Variants in CCRL2 observed in about 807,000 individuals in gnomAD.
CCRL2 encodes C-C chemokine receptor-like 2.
For missense variants in CCRL2, 451 were observed against 412.4 expected (o/e 1.09, Z -0.81); for synonymous variants, 181 against 165.6 (o/e 1.09, Z -0.71).
rs1252135123 is a variant in CCRL2 at position 46,408,963 on chromosome 3, T to A, written c.884T>A (p.Ile295Asn). The part of the protein sequence containing the change: ...TKLIATTHCC[I>N]NPLLYAFLDG... ...CTCATCGCCACCACCCACTGCTGCA[T>A]CAACCCTCTCCTGTATGCGTTTCTT... Residue 295 changes from isoleucine (I) to asparagine (N), a missense_variant, in exon 2 of 2, where the codon ATC becomes AAC. Physicochemically the swap from Ile to Asn is moderately radical, Grantham distance 149. Coordinates refer to ENST00000399036, the MANE Select transcript of CCRL2 (RefSeq NM_003965.5). 1 of 1,614,190 alleles carries A rather than the reference T, an allele frequency of 6.2e-7. No individual in the cohort carries two copies. The highest frequency in any genetic ancestry group is 1.7e-5 in the Admixed American group (1 of 60,022).
At position 46,408,835 on chromosome 3, in the gene CCRL2, G is replaced by T. The variant is rs557325885; in HGVS notation, c.756G>T (p.Ala252=). Residue 252 remains alanine (A), a synonymous_variant, in exon 2 of 2, where the codon GCG becomes GCT. Coordinates refer to ENST00000399036, the MANE Select transcript of CCRL2 (RefSeq NM_003965.5). ...AIMVVFLLMW[A]PYNIAFFLST... is the part of the protein sequence containing the mutation. The stretch of plus-strand genomic sequence containing the variant: ...TGGTAGTCTTCCTTCTGATGTGGGC[G>T]CCCTACAATATTGCATTTTTCCTGT... 1 of 1,614,106 alleles carries T rather than the reference G, an allele frequency of 6.2e-7. No individual in the cohort carries two copies. The highest frequency in any genetic ancestry group is 1.7e-5 in the Admixed American group (1 of 60,018).
Position 46,409,081 on chromosome 3 carries a change from G to A in CCRL2, c.1002G>A (p.Ser334=), listed in dbSNP as rs778117118. 4.3e-6 allele frequency: 7 copies of A among 1,613,836 alleles called. No individual in the cohort carries two copies. The highest frequency in any genetic ancestry group is 5.9e-6 in the Non-Finnish European group (7 of 1,179,810). The change falls in exon 2 of 2, where the codon TCG becomes TCA. Residue 334 remains serine (S), a synonymous_variant. Coordinates refer to ENST00000399036, the MANE Select transcript of CCRL2 (RefSeq NM_003965.5). ...GGGGGCAGTCTGCACAAGGCACATC[G>A]AGGGAAGAACCTGACCATTCCACCG... ...QPRGQSAQGT[S]REEPDHSTEV
rs1702105372 is a variant in CCRL2 at position 46,409,179 on chromosome 3, A to G, written c.*65A>G. ...TTCATCTTTCTGCATTATTTCATGTAAATTTTCTACACATTTGTATACAAA... is the reference window on the plus strand; with the variant it reads ...TTCATCTTTCTGCATTATTTCATGTGAATTTTCTACACATTTGTATACAAA... On this transcript the variant is annotated 3_prime_UTR_variant, in exon 2 of 2. Transcript: ENST00000399036. The G allele has an allele frequency of 2.8e-6, 4 of 1,408,926 alleles. No individual in the cohort carries two copies. In the Admixed American group the frequency reaches 6.2e-5, roughly 22 times the overall value. The allele number at this position is 1,408,926 out of a possible 1,614,324, so 87.3% of individuals were successfully genotyped here.
chr3:46,407,739 A>G (rs1235054249), intron 1 of CCRL2: 3 of 1,446,498 alleles, frequency 2.1e-6, no homozygotes, highest in South Asian at 2.6e-5. Flanking sequence ...ATTTTCTTAC[A>G]TATTGTGTTC....
At position 46,408,378 on chromosome 3, in the gene CCRL2, A is replaced by G. The variant is rs752876731; in HGVS notation, c.299A>G (p.Asp100Gly). The G allele has an allele frequency of 1.7e-5, 28 of 1,614,116 alleles. No homozygotes were observed. The highest frequency in any genetic ancestry group is 2.1e-5 in the Non-Finnish European group (25 of 1,180,044). Residue 100 changes from aspartate to glycine, a missense_variant, in exon 2 of 2, where the codon GAT becomes GGT. By Grantham distance (94) the Asp-to-Gly change is moderately conservative. Coordinates refer to ENST00000399036, the MANE Select transcript of CCRL2 (RefSeq NM_003965.5). Reference sequence around the variant, plus strand: ...CCCTTCTGGGCTCATGCTGGGGGCGATCCCATGTGTAAAATTCTCATTGGA... The same window carrying G: ...CCCTTCTGGGCTCATGCTGGGGGCGGTCCCATGTGTAAAATTCTCATTGGA... ...TLPFWAHAGG[D>G]PMCKILIGLY... is the part of the protein sequence containing the mutation.
rs757568035 is a variant in CCRL2, at chr3:46,408,842, A to G, written c.763A>G (p.Asn255Asp). 3 of 1,614,172 alleles carry G rather than the reference A, an allele frequency of 1.9e-6. No individual in the cohort carries two copies. The highest frequency in any genetic ancestry group is 1.1e-5 in the South Asian group (1 of 91,080). ...VVFLLMWAPYNIAFFLSTFKE... is the reference protein window; with the variant it reads ...VVFLLMWAPYDIAFFLSTFKE... ...CTTCCTTCTGATGTGGGCGCCCTACAATATTGCATTTTTCCTGTCCACTTT... is the reference window on the plus strand; with the variant it reads ...CTTCCTTCTGATGTGGGCGCCCTACGATATTGCATTTTTCCTGTCCACTTT... Residue 255 changes from asparagine (N) to aspartate (D), a missense_variant, in exon 2 of 2, where the codon AAT becomes GAT. Physicochemically the swap from Asn to Asp is conservative, Grantham distance 23 (BLOSUM62 1). Coordinates refer to ENST00000399036, the MANE Select transcript of CCRL2 (RefSeq NM_003965.5).
Position 46,408,951 on chromosome 3 carries a change from C to T in CCRL2, c.872C>T (p.Thr291Ile), listed in dbSNP as rs375222926. Residue 291 changes from threonine to isoleucine, a missense_variant, in exon 2 of 2, where the codon ACC becomes ATC. Physicochemically the swap from Thr to Ile is moderately conservative, Grantham distance 89. Transcript: ENST00000399036. ...CACATCACTAAACTCATCGCCACCA[C>T]CCACTGCTGCATCAACCCTCTCCTG... Reference protein sequence around the residue: ...SVHITKLIATTHCCINPLLYA... With the variant: ...SVHITKLIATIHCCINPLLYA... 61 of 1,614,042 alleles carry T rather than the reference C, an allele frequency of 3.8e-5. No individual in the cohort carries two copies. The highest frequency in any genetic ancestry group is 4.4e-5 in the Non-Finnish European group (52 of 1,180,052).
In CCRL2 at chr3:46,407,473, G is replaced by A. The variant is rs1268939874; in HGVS notation, c.-42G>A. ...CCCGGATGCTGGGTCTGGAGGCTGCGCCCTTCCCCTGCAGGAGCTCAGCCC... is the reference window on the plus strand; with the variant it reads ...CCCGGATGCTGGGTCTGGAGGCTGCACCCTTCCCCTGCAGGAGCTCAGCCC... On this transcript the variant is annotated 5_prime_UTR_variant, in exon 1 of 2. Coordinates refer to ENST00000399036, the MANE Select transcript of CCRL2 (RefSeq NM_003965.5). 6.8e-6 allele frequency: 4 copies of A among 585,004 alleles called. No homozygotes were observed. The highest frequency in any genetic ancestry group is 9.0e-6 in the Non-Finnish European group (3 of 331,862). The allele number at this position is 585,004 out of a possible 1,614,324, so 36.2% of individuals were successfully genotyped here.
At position 46,408,401 on chromosome 3, in the gene CCRL2, G is replaced by A; in HGVS notation, c.322G>A (p.Gly108Arg). Residue 108 changes from glycine to arginine, a missense_variant, in exon 2 of 2, where the codon GGA becomes AGA. Coordinates refer to ENST00000399036, the MANE Select transcript of CCRL2 (RefSeq NM_003965.5). Reference sequence around the variant, plus strand: ...CGATCCCATGTGTAAAATTCTCATTGGACTGTACTTCGTGGGCCTGTACAG... The same window carrying A: ...CGATCCCATGTGTAAAATTCTCATTAGACTGTACTTCGTGGGCCTGTACAG... ...GGDPMCKILI[G>R]LYFVGLYSET... The A allele has an allele frequency of 6.2e-7, 1 of 1,614,112 alleles. No homozygotes were observed. The highest frequency in any genetic ancestry group is 1.1e-5 in the South Asian group (1 of 91,086).
intron 1 of CCRL2, 171 bp downstream of exon 1, chr3:46,407,673 G>T (rs11574440): frequency 1.3e-6 from 2 of 1,542,734 alleles, no homozygotes; most frequent in Non-Finnish European, 1.7e-6. Flanking sequence ...CAGAAATTAT[G>T]ATCTACACCC....
Position 46,408,161 on chromosome 3 carries a change from T to C in CCRL2, c.82T>C (p.Cys28Arg), listed in dbSNP as rs369404411. The C allele has an allele frequency of 1.2e-6, 2 of 1,611,522 alleles. No individual in the cohort carries two copies. Among genetic ancestry groups the C allele is most frequent in the Non-Finnish European group, 1.7e-6 (2 of 1,178,758 alleles). The change falls in exon 2 of 2, where the codon TGT (cysteine) becomes CGT (arginine). Residue 28 changes from cysteine (C) to arginine (R), a missense_variant. Cys to Arg is a radical substitution (Grantham distance 180). Coordinates refer to ENST00000399036, the MANE Select transcript of CCRL2 (RefSeq NM_003965.5). ...ACTGGAGAGCGATGAGGCAGAGCAA[T>C]GTGACAAGTATGACGCCCAGGCACT... is the stretch of plus-strand genomic sequence containing the variant. The part of the protein sequence containing the change: ...GELESDEAEQ[C>R]DKYDAQALSA...
At chr3:46,407,985 T>C in intron 1 of CCRL2, 83 bp from the exon 2 acceptor site, 1 of 1,006,860 alleles carries the variant, frequency 9.9e-7, no homozygotes, top group Non-Finnish European at 1.4e-6. Flanking sequence ...AAAGTGGGGC[T>C]GTATGAATCC....
rs1192824361 is a variant in CCRL2 at position 46,408,442 on chromosome 3, T to C, written c.363T>C (p.Asn121=). 1.2e-6 allele frequency: 2 copies of C among 1,614,130 alleles called. No homozygotes were observed. Among genetic ancestry groups the C allele is most frequent in the African/African-American group, 2.7e-5 (2 of 74,938 alleles). The change falls in exon 2 of 2, where the codon AAT becomes AAC. Residue 121 remains asparagine (N), a synonymous_variant. Coordinates refer to ENST00000399036, the MANE Select transcript of CCRL2 (RefSeq NM_003965.5). The part of the protein sequence containing the change: ...FVGLYSETFF[N]CLLTVQRYLV... Reference sequence around the variant, plus strand: ...GCCTGTACAGTGAGACATTTTTCAATTGCCTTCTGACTGTGCAAAGGTACC... The same window carrying C: ...GCCTGTACAGTGAGACATTTTTCAACTGCCTTCTGACTGTGCAAAGGTACC...
chr3:46,407,479 C>A lies in CCRL2; in HGVS notation c.-36C>A. ...TGCTGGGTCTGGAGGCTGCGCCCTTCCCCTGCAGGAGCTCAGCCCAGTGGT... is the reference window on the plus strand; with the variant it reads ...TGCTGGGTCTGGAGGCTGCGCCCTTACCCTGCAGGAGCTCAGCCCAGTGGT... On this transcript the variant is annotated 5_prime_UTR_variant, in exon 1 of 2. Transcript: ENST00000399036. The A allele has an allele frequency of 1.7e-6, 1 of 594,906 alleles. No homozygotes were observed. The highest frequency in any genetic ancestry group is 2.1e-5 in the South Asian group (1 of 47,796). The allele number at this position is 594,906 out of a possible 1,614,324, so 36.9% of individuals were successfully genotyped here.
chr3:46,407,515 T>G lies in CCRL2; in HGVS notation c.-13+13T>G. 1.5e-6 allele frequency: 1 copy of G among 658,778 alleles called. No individual in the cohort carries two copies. The highest frequency in any genetic ancestry group is 2.7e-6 in the Non-Finnish European group (1 of 370,490). The allele number at this position is 658,778 out of a possible 1,614,324, so 40.8% of individuals were successfully genotyped here. On this transcript the variant is annotated intron_variant, in intron 1 of 1. Coordinates refer to ENST00000399036, the MANE Select transcript of CCRL2 (RefSeq NM_003965.5). ...GCTCAGCCCAGTGGTAAGTCATCTG[T>G]GTGTCATCTATGTATTTAACCCCTT...
In CCRL2 at chr3:46,409,042, C is replaced by A. The variant is rs764000956; in HGVS notation, c.963C>A (p.Thr321=). ...GCTGTTTCCATCTGCGTAGTAACAC[C>A]CCACTTCAACCCAGGGGGCAGTCTG... ...LCRCFHLRSN[T]PLQPRGQSAQ... is the part of the protein sequence containing the mutation. Residue 321 remains threonine, a synonymous_variant, in exon 2 of 2, where the codon ACC becomes ACA. Transcript: ENST00000399036. 8.7e-6 allele frequency: 14 copies of A among 1,614,004 alleles called. No individual in the cohort carries two copies. The highest frequency in any genetic ancestry group is 1.1e-5 in the Non-Finnish European group (13 of 1,180,024).
chr3:46,408,040 G>A (rs748630678), intron 1 of CCRL2, 28 bp from the exon 2 acceptor site: 16 of 1,494,180 alleles, frequency 1.1e-5, no homozygotes, highest in East Asian at 2.4e-5. Flanking sequence ...GCTGTCGGAG[G>A]GGAAAATCAT....
chr3:46,407,770 T>A, intron 1 of CCRL2: 1 of 1,245,114 alleles, frequency 8.0e-7, no homozygotes, highest in Non-Finnish European at 1.1e-6. Context: ...GTCCTGTTTC[T>A]GCTAAAAGAA....
rs1401702764 is a variant in CCRL2 at position 46,407,561 on chromosome 3, C to A, written c.-13+59C>A. ...CCCTTATGGCCATGTTGATGCTGAG[C>A]ATGGTTTCACTTTTGCAAACATTTA... is the stretch of plus-strand genomic sequence containing the variant. On this transcript the variant is annotated intron_variant, in intron 1 of 1. Transcript: ENST00000399036. 30 of 840,984 alleles carry A rather than the reference C, an allele frequency of 3.6e-5. No individual in the cohort carries two copies. In the Middle Eastern group the frequency reaches 1.1e-3, roughly 30 times the overall value. 52.1% of individuals were successfully genotyped at this position (840,984 alleles called of 1,614,324 possible). A position where few individuals can be genotyped will look rare whatever the true frequency, so the allele number is the denominator to read the frequency against.
Sources: gnomAD v4.1 joint callset for allele counts on GRCh38, gnomAD v4.1.1 for gene constraint, MANE v1.5 for transcripts, NCBI Gene and HGNC (gene_info 2026-07-23, HGNC 2026-07-21) for gene names.